The following PRKD1 variants were observed in gnomAD, a reference collection of about 807,000 sequenced individuals.
The protein encoded by PRKD1 is serine/threonine-protein kinase D1.
In PRKD1, 63 loss-of-function variants were observed where a neutral mutation model predicts 95.9. The observed-to-expected ratio is 0.66, with a 90% CI of 0.54 to 0.81. The LOEUF is 0.81. Ranked by LOEUF, PRKD1 falls within the 30% of genes least tolerant of loss-of-function variation. The pLI is 0.00. For missense variants in PRKD1, 1,048 were observed against 1,165.3 expected (o/e 0.90, Z 1.47); for synonymous variants, 425 against 423.1 (o/e 1.00, Z -0.05).
chr14:29,700,836 A>C (rs1594440793), intron 2 of PRKD1, among the ~76,000 whole-genome samples: 1 of 152,084 alleles, frequency 6.6e-6, no homozygotes, highest in Admixed American at 6.5e-5. Flanking sequence ...CTGCAAGATC[A>C]ATTCTTCCCT....
At chr14:29,828,199 G>C (rs931396069) in intron 1 of PRKD1, among the ~76,000 whole-genome samples, 2 of 152,118 alleles carry the variant, frequency 1.3e-5, no homozygotes, top group African/African-American at 4.8e-5. Context: ...TTTGGCTCAT[G>C]GTTCTGCAGG....
At position 29,630,955 on chromosome 14, in the gene PRKD1, C is replaced by A. The variant is rs1228532129; in HGVS notation, c.1459G>T (p.Ala487Ser). 1.9e-5 allele frequency: 31 copies of A among 1,613,866 alleles called. No homozygotes were observed. Among genetic ancestry groups the A allele is most frequent in the Non-Finnish European group, 2.5e-5 (30 of 1,179,888 alleles). ...GTGATTTCGAAACAATGAGGATTGG[C>A]CCCATTAGGAATTAAAGCTGAAGTT... ...VKTSALIPNG[A>S]NPHCFEITTA... Residue 487 changes from alanine (A) to serine (S), a missense_variant, in exon 10 of 18, where the codon GCC becomes TCC. Physicochemically the swap from Ala to Ser is moderately conservative, Grantham distance 99. This residue lies in a region of PRKD1 where 739 missense variants were observed against 861.9 expected (regional missense o/e 0.86). Transcript: ENST00000331968.
chr14:29,628,689 A>T (rs1386342419), intron 11 of PRKD1, among the ~76,000 whole-genome samples: 1 of 152,206 alleles, frequency 6.6e-6, no homozygotes, highest in Non-Finnish European at 1.5e-5. Flanking sequence ...TAAGCTACTC[A>T]TGCAAATTGA....
At chr14:29,696,235 T>C (rs543289171) in intron 2 of PRKD1, among the ~76,000 whole-genome samples, 1 of 107,324 alleles carries the variant, frequency 9.3e-6, no homozygotes, top group Non-Finnish European at 1.8e-5. Flanking sequence ...TGAAATTATC[T>C]AGTAATAGAG....
intron 1 of PRKD1, among the ~76,000 whole-genome samples, chr14:29,860,054 A>C (rs1892650514): frequency 6.6e-6 from 1 of 152,234 alleles, no homozygotes; most frequent in Non-Finnish European, 1.5e-5. Flanking sequence ...TCATTCCTAG[A>C]GACTTAAGGG....
At chr14:29,608,802 C>T (rs1209529320) in intron 13 of PRKD1, among the ~76,000 whole-genome samples, 1 of 152,160 alleles carries the variant, frequency 6.6e-6, no homozygotes, top group East Asian at 1.9e-4. Context: ...TGCCTATGAA[C>T]ATGTCCCCGT....
chr14:29,714,065 A>C (rs561445827), intron 2 of PRKD1, among the ~76,000 whole-genome samples: 1 of 152,326 alleles, frequency 6.6e-6, no homozygotes, highest in African/African-American at 2.4e-5. Context: ...AATAAAAGAA[A>C]TGCAGTATTG....
At chr14:29,846,017 T>A (rs1198963540) in intron 1 of PRKD1, among the ~76,000 whole-genome samples, 4 of 152,128 alleles carry the variant, frequency 2.6e-5, no homozygotes, top group African/African-American at 7.2e-5. Flanking sequence ...ATAATAAAAT[T>A]TAAAAACCTT....
At chr14:29,587,041 G>GA (rs1462912940) in intron 16 of PRKD1, among the ~76,000 whole-genome samples, 1 of 152,160 alleles carries the variant, frequency 6.6e-6, no homozygotes, top group Non-Finnish European at 1.5e-5. Flanking sequence ...GGAGGGTGAA[G>GA]AAAAAACTGA....
chr14:29,737,011 A>G (rs4996739), intron 1 of PRKD1, among the ~76,000 whole-genome samples: 2 of 152,134 alleles, frequency 1.3e-5, no homozygotes, highest in Admixed American at 1.3e-4. Context: ...GGAAAGAGAG[A>G]CATGGCCCAA....
intron 1 of PRKD1, among the ~76,000 whole-genome samples, chr14:29,907,595 T>C (rs1403305451): frequency 3.3e-5 from 5 of 152,224 alleles, no homozygotes; most frequent in African/African-American, 1.2e-4. Flanking sequence ...CTGAAACTTT[T>C]TGTATAAACC....
intron 16 of PRKD1, 24 bp from the exon 17 acceptor site, chr14:29,578,384 T>G: frequency 6.5e-7 from 1 of 1,530,922 alleles, no homozygotes; most frequent in Non-Finnish European, 9.0e-7. Flanking sequence ...CCAGTAAAAA[T>G]AGATGACAAA....
At chr14:29,823,705 G>A (rs567679796) in intron 1 of PRKD1, among the ~76,000 whole-genome samples, 4 of 152,278 alleles carry the variant, frequency 2.6e-5, no homozygotes, top group Admixed American at 6.5e-5. Flanking sequence ...GGACAGAAAC[G>A]TTAGGATGAG....
At chr14:29,887,455 G>A (rs1893752996) in intron 1 of PRKD1, among the ~76,000 whole-genome samples, 1 of 152,144 alleles carries the variant, frequency 6.6e-6, no homozygotes, top group Non-Finnish European at 1.5e-5. Context: ...ACAATTACCT[G>A]TAATGTGACA....
At chr14:29,634,815 C>T (rs1880259609) in intron 7 of PRKD1, among the ~76,000 whole-genome samples, 1 of 151,832 alleles carries the variant, frequency 6.6e-6, no homozygotes. Flanking sequence ...GGGTGGATCA[C>T]GAGGTCAGGA....
intron 1 of PRKD1, among the ~76,000 whole-genome samples, chr14:29,819,546 C>T (rs1890825428): frequency 6.6e-6 from 1 of 151,924 alleles, no homozygotes; most frequent in Non-Finnish European, 1.5e-5. Context: ...AAAAATTACC[C>T]GGGCGTGGTG....
Position 29,597,580 on chromosome 14 carries a change from G to A in PRKD1, c.2345C>T (p.Pro782Leu). 1 of 1,614,032 alleles carries A rather than the reference G, an allele frequency of 6.2e-7. No homozygotes were observed. The highest frequency in any genetic ancestry group is 8.5e-7 in the Non-Finnish European group (1 of 1,179,942). ...GTGTATGTCTTCATCTTCATTAAATGGGAATGTGCCGCTTAGGCTTACATA... is the reference window on the plus strand; with the variant it reads ...GTGTATGTCTTCATCTTCATTAAATAGGAATGTGCCGCTTAGGCTTACATA... ...IIYVSLSGTF[P>L]FNEDEDIHDQ... The change falls in exon 16 of 18, where the codon CCA (proline) becomes CTA (leucine). Residue 782 changes from proline to leucine, a missense_variant. Coordinates refer to ENST00000331968, the MANE Select transcript of PRKD1 (RefSeq NM_002742.3).
chr14:29,926,320 C>T (rs1269882737), intron 1 of PRKD1, among the ~76,000 whole-genome samples: 2 of 152,224 alleles, frequency 1.3e-5, no homozygotes, highest in Admixed American at 6.5e-5. Context: ...TCCTGAAACG[C>T]TGGCTGTTTA....
At chr14:29,891,447 A>C (rs1413170662) in intron 1 of PRKD1, among the ~76,000 whole-genome samples, 1 of 152,218 alleles carries the variant, frequency 6.6e-6, no homozygotes, top group East Asian at 1.9e-4. Context: ...GCACGCATGC[A>C]CTATGTCACT....
Sources: gnomAD v4.1 joint callset for allele counts (sites outside exome capture counted in the v4.1 genomes callset) on GRCh38, gnomAD v4.1.1 for gene constraint, gnomAD v4.1.1 regional missense constraint, MANE v1.5 for transcripts, NCBI Gene and HGNC (gene_info 2026-07-23, HGNC 2026-07-21) for gene names.